BCAS3: variants seen among roughly 807,000 people sequenced by gnomAD.
The protein encoded by BCAS3 is BCAS3 microtubule associated cell migration factor, also known as BCAS4/BCAS3 fusion.
Under a neutral mutation model 116.1 loss-of-function variants are expected in BCAS3, and 53 were observed. The ratio of observed to expected loss-of-function variants is 0.46; its 90% confidence interval spans 0.37 to 0.57. BCAS3 has a LOEUF of 0.57. BCAS3 is among the 20% of genes least tolerant of loss of function. The pLI is 0.00. For synonymous variants in BCAS3, 391 were observed against 408.2 expected, an observed-to-expected ratio of 0.96 and a Z score of 0.51; for missense variants, 917 against 1,165.4, an observed-to-expected ratio of 0.79 and a Z score of 3.10.
rs191176937 is a variant in BCAS3, at chr17:60,699,918, A to G, written c.215-9301A>G. Among the ~76,000 whole-genome samples the G allele has an allele frequency of 2.8e-3, 426 of 151,764 alleles. 6 individuals carry two copies. Among genetic ancestry groups the G allele is most frequent in the Admixed American group, 0.026 (400 of 15,182 alleles). On this transcript the variant is annotated intron_variant, in intron 4 of 23. Coordinates refer to ENST00000407086, the MANE Select transcript of BCAS3 (RefSeq NM_017679.5). ...GCTGGGCTTGGTGGTTCACACCTGTAATCTCAGCACTTTGGAAGGCCAAGG... is the reference window on the plus strand; with the variant it reads ...GCTGGGCTTGGTGGTTCACACCTGTGATCTCAGCACTTTGGAAGGCCAAGG...
In BCAS3 at chr17:60,963,344, A is replaced by G. The variant is rs1256126384; in HGVS notation, c.1221+15992A>G. On this transcript the variant is annotated intron_variant, in intron 14 of 23. Coordinates refer to ENST00000407086, the MANE Select transcript of BCAS3 (RefSeq NM_017679.5). ...TGGATAGTATTGTCGTTTTAACAGTATTCTTTGATCCATAAGCATGGAATA... is the reference window on the plus strand; with the variant it reads ...TGGATAGTATTGTCGTTTTAACAGTGTTCTTTGATCCATAAGCATGGAATA... 2.6e-5 allele frequency among the ~76,000 whole-genome samples: 4 copies of G among 152,034 alleles called. No individual in the cohort carries two copies. In the South Asian group the frequency reaches 6.2e-4, roughly 24 times the overall value.
chr17:60,858,453 ACT>A (rs368838488), intron 7 of BCAS3, among the ~76,000 whole-genome samples: 114 of 151,138 alleles, frequency 7.5e-4, no homozygotes, highest in African/African-American at 2.1e-3. Flanking sequence ...TAGCTTCCCT[ACT>A]CCCACAGTCA....
At chr17:60,895,933 A>G (rs2057478077) in intron 10 of BCAS3, among the ~76,000 whole-genome samples, 1 of 152,232 alleles carries the variant, frequency 6.6e-6, no homozygotes, top group Admixed American at 6.5e-5. Context: ...GGCCTAACAT[A>G]TGGTCTATCA....
At chr17:60,750,815 C>T (rs928120075) in intron 6 of BCAS3, among the ~76,000 whole-genome samples, 11 of 152,144 alleles carry the variant, frequency 7.2e-5, no homozygotes, top group Non-Finnish European at 1.5e-4. Context: ...TTGTTATTTC[C>T]TCTTCTAGAA....
At position 61,258,238 on chromosome 17, in the gene BCAS3, A is replaced by C. The variant is rs1469532527; in HGVS notation, c.2426-110089A>C. Among the ~76,000 whole-genome samples the C allele has an allele frequency of 6.6e-6, 1 of 152,222 alleles. No individual in the cohort carries two copies. The highest frequency in any genetic ancestry group is 1.5e-5 in the Non-Finnish European group (1 of 68,040). ...TAGTCATTGCCCTCTTATGGGACTTACCATGTTTCGCCTGATGTTGTCTTT... is the reference window on the plus strand; with the variant it reads ...TAGTCATTGCCCTCTTATGGGACTTCCCATGTTTCGCCTGATGTTGTCTTT... On this transcript the variant is annotated intron_variant, in intron 22 of 23. Coordinates refer to ENST00000407086, the MANE Select transcript of BCAS3 (RefSeq NM_017679.5). This position sits in a 1 kb window ranked among gnomAD's most constrained non-coding sequence, Gnocchi z 4.7.
At chr17:60,896,014 T>G (rs2057484218) in intron 10 of BCAS3, among the ~76,000 whole-genome samples, 1 of 152,218 alleles carries the variant, frequency 6.6e-6, no homozygotes, top group South Asian at 2.1e-4. Context: ...AAGAGTCTAT[T>G]AGGTCCATTG....
chr17:60,727,519 C>T (rs1424295279), intron 5 of BCAS3: 27 of 1,373,098 alleles, frequency 2.0e-5, no homozygotes, highest in South Asian at 1.9e-4. Flanking sequence ...GTGATGAAAA[C>T]GAGAAATGGC....
chr17:60,684,110 A>G (rs2033668764), intron 3 of BCAS3, 74 bp downstream of exon 3: 3 of 1,395,752 alleles, frequency 2.1e-6, no homozygotes, highest in African/African-American at 2.9e-5. Flanking sequence ...CCTAAACTTG[A>G]CACTAGTACC....
chr17:60,870,423 G>T (rs886297615), intron 8 of BCAS3, among the ~76,000 whole-genome samples: 6 of 152,138 alleles, frequency 3.9e-5, no homozygotes, highest in Non-Finnish European at 5.9e-5. Flanking sequence ...AGCACTAAGG[G>T]ATCAAAAGGG....
At chr17:60,736,453 T>C (rs1461172476) in intron 5 of BCAS3, among the ~76,000 whole-genome samples, 1 of 152,132 alleles carries the variant, frequency 6.6e-6, no homozygotes, top group East Asian at 1.9e-4. Flanking sequence ...CCCAAAGTGC[T>C]GGGATTACAG....
chr17:60,831,397 G>A (rs930685595), intron 7 of BCAS3, among the ~76,000 whole-genome samples: 1 of 151,544 alleles, frequency 6.6e-6, no homozygotes, highest in African/African-American at 2.4e-5. Flanking sequence ...GGCTGGTCTC[G>A]AACTCCTGAC....
chr17:60,763,182 T>C (rs989215776), intron 6 of BCAS3, among the ~76,000 whole-genome samples: 73 of 152,310 alleles, frequency 4.8e-4, no homozygotes, highest in African/African-American at 1.7e-3. Flanking sequence ...TTGAATACCC[T>C]TTATTTCTTT....
At chr17:60,946,211 T>C (rs901805230) in intron 13 of BCAS3, among the ~76,000 whole-genome samples, 11 of 152,226 alleles carry the variant, frequency 7.2e-5, no homozygotes, top group Non-Finnish European at 1.2e-4. Context: ...CAAGAAGTCT[T>C]TCTGGAACAA....
chr17:61,129,383 A>C (rs2076212892), intron 22 of BCAS3, among the ~76,000 whole-genome samples: 1 of 152,212 alleles, frequency 6.6e-6, no homozygotes, highest in Non-Finnish European at 1.5e-5. Context: ...AACCTCACCC[A>C]TTCTAACCAC....
intron 22 of BCAS3, among the ~76,000 whole-genome samples, chr17:61,329,343 A>ATTTTTTTTTTTTTTTTTTTTTTTT (rs35909318): frequency 7.6e-6 from 1 of 131,278 alleles, no homozygotes; most frequent in African/African-American, 2.9e-5. Context: ...TATTATTATT[A>ATTTTTTTTTTTTTTTTTTTTTTTT]TTTTTTTTTT....
chr17:60,953,671 G>A (rs748365631), intron 14 of BCAS3, among the ~76,000 whole-genome samples: 8 of 151,172 alleles, frequency 5.3e-5, no homozygotes, highest in Non-Finnish European at 8.8e-5. Context: ...TATTGCCTAG[G>A]TTGTCTTCCA....
rs60475294 is a variant in BCAS3, at chr17:60,992,230, A to ACT, written c.1486+1998_1486+1999dup. On this transcript the variant is annotated intron_variant, in intron 15 of 23. Transcript: ENST00000407086. ...CACACACACACACACACACACACAC[A>ACT]CTCTGTAGGAAGCTTAAAGATAGAC... 2.6e-3 allele frequency among the ~76,000 whole-genome samples: 380 copies of ACT among 147,168 alleles called. 5 individuals carry two copies. The highest frequency in any genetic ancestry group is 8.8e-3 in the African/African-American group (340 of 38,790).
In BCAS3 at chr17:61,332,165, G is replaced by A. The variant is rs573314962; in HGVS notation, c.2426-36162G>A. Among the ~76,000 whole-genome samples the A allele has an allele frequency of 4.2e-3, 647 of 152,320 alleles. 5 individuals are homozygous for A. Among genetic ancestry groups the A allele is most frequent in the African/African-American group, 0.015 (625 of 41,576 alleles). Reference sequence around the variant, plus strand: ...GGCCACGGGCTCCTCTCTCTGGAAAGGCTCTGCAGAGAGACACCTGGATGG... The same window carrying A: ...GGCCACGGGCTCCTCTCTCTGGAAAAGCTCTGCAGAGAGACACCTGGATGG... On this transcript the variant is annotated intron_variant, in intron 22 of 23. Coordinates refer to ENST00000407086, the MANE Select transcript of BCAS3 (RefSeq NM_017679.5). This position sits in a 1 kb window ranked among gnomAD's most constrained non-coding sequence, Gnocchi z 5.4.
In BCAS3 at chr17:60,747,173, A is replaced by G. The variant is rs1182732610; in HGVS notation, c.322-25A>G. 3 of 1,520,184 alleles carry G rather than the reference A, an allele frequency of 2.0e-6. No individual in the cohort carries two copies. In the Admixed American group the frequency reaches 5.2e-5, roughly 27 times the overall value. The allele number at this position is 1,520,184 out of a possible 1,614,324, so 94.2% of individuals were successfully genotyped here. A position where few individuals can be genotyped will look rare whatever the true frequency, so the allele number is the denominator to read the frequency against. ...TTGTGACCTTCATTTTCCCACTGAA[A>G]TATTTTCTTTCTTCTCTTATGCAGA... is the stretch of plus-strand genomic sequence containing the variant. On this transcript the variant is annotated intron_variant, in intron 5 of 23. Transcript: ENST00000407086.
Sources: gnomAD v4.1 joint callset for allele counts (sites outside exome capture counted in the v4.1 genomes callset) on GRCh38, gnomAD v4.1.1 for gene constraint, Gnocchi (gnomAD v3.1) non-coding constraint, MANE v1.5 for transcripts, NCBI Gene and HGNC (gene_info 2026-07-23, HGNC 2026-07-21) for gene names.